The following PPP1R9A variants were observed in gnomAD, a reference collection of about 807,000 sequenced individuals.
The protein encoded by PPP1R9A is protein phosphatase 1 regulatory subunit 9A, also known as neurabin-1.
In PPP1R9A, 59 loss-of-function variants were observed where a neutral mutation model predicts 141.9. The ratio of observed to expected loss-of-function variants is 0.42; its 90% CI spans 0.34 to 0.52. The LOEUF (loss-of-function observed/expected upper bound fraction) is 0.52. PPP1R9A is among the 20% of genes least tolerant of loss of function. The probability of loss-of-function intolerance (pLI) is 0.10; values close to 1 mark genes in which losing one functional copy is unlikely to be tolerated. For synonymous variants in PPP1R9A, 500 were observed against 569.7 expected (o/e 0.88, Z 1.74); for missense variants, 1,444 against 1,611.9 (o/e 0.90, Z 1.78).
At chr7:95,129,116 C>G (rs1319845802) in intron 4 of PPP1R9A, among the ~76,000 whole-genome samples, 1 of 152,094 alleles carries the variant, frequency 6.6e-6, no homozygotes, top group Admixed American at 6.5e-5. Context: ...AGTCCTTTCT[C>G]CATTGCTTAT....
At position 95,203,584 on chromosome 7, in the gene PPP1R9A, C is replaced by T. The variant is rs898192643; in HGVS notation, c.1891-81C>T. The T allele has an allele frequency of 2.1e-5, 21 of 1,022,718 alleles. No homozygotes were observed. In the East Asian group the frequency reaches 5.2e-4, roughly 26 times the overall value. The allele number at this position is 1,022,718 out of a possible 1,614,324, so 63.4% of individuals were successfully genotyped here. ...GTGTATTACAGTAAGCACTGGGACT[C>T]AGTGTTTTTCAATCCTTTATCAGGC... On this transcript the variant is annotated intron_variant, in intron 6 of 19. Transcript: ENST00000433360.
At chr7:94,985,004 A>G (rs1486992470) in intron 2 of PPP1R9A, among the ~76,000 whole-genome samples, 3 of 152,084 alleles carry the variant, frequency 2.0e-5, no homozygotes, top group African/African-American at 7.2e-5. Flanking sequence ...ACTGTTTTAA[A>G]TATGTCCCAG....
chr7:94,982,709 T>G (rs1419017815), intron 2 of PPP1R9A, among the ~76,000 whole-genome samples: 1 of 152,222 alleles, frequency 6.6e-6, no homozygotes, highest in African/African-American at 2.4e-5. Flanking sequence ...GAGTTCTTTG[T>G]AGATTCTGGA....
intron 2 of PPP1R9A, among the ~76,000 whole-genome samples, chr7:94,933,465 C>T (rs1794406401): frequency 6.6e-6 from 1 of 152,104 alleles, no homozygotes; most frequent in South Asian, 2.1e-4. Context: ...CATTCTCCTC[C>T]CTCTCTCAAC....
intron 3 of PPP1R9A, among the ~76,000 whole-genome samples, chr7:95,117,424 A>G (rs1821719134): frequency 6.6e-6 from 1 of 152,172 alleles, no homozygotes; most frequent in Non-Finnish European, 1.5e-5. Context: ...ATTGCCCTTC[A>G]GTCATCATGT....
intron 3 of PPP1R9A, among the ~76,000 whole-genome samples, chr7:95,117,160 T>C (rs973904180): frequency 4.6e-5 from 7 of 152,108 alleles, no homozygotes; most frequent in Non-Finnish European, 1.0e-4. Context: ...GACAATAGTG[T>C]CTTCCATAAT....
At chr7:95,101,106 C>T (rs1237640276) in intron 2 of PPP1R9A, among the ~76,000 whole-genome samples, 2 of 152,038 alleles carry the variant, frequency 1.3e-5, no homozygotes, top group Non-Finnish European at 2.9e-5. Context: ...CCCGCCTCGG[C>T]CTCCCAAAGT....
chr7:95,177,397 C>T (rs532230012), intron 5 of PPP1R9A, among the ~76,000 whole-genome samples: 12 of 152,080 alleles, frequency 7.9e-5, no homozygotes, highest in Middle Eastern at 3.4e-3. Context: ...ATCATGGAAA[C>T]GCATCAAAAC....
intron 2 of PPP1R9A, among the ~76,000 whole-genome samples, chr7:95,069,556 A>G (rs1813470657): frequency 6.6e-6 from 1 of 152,048 alleles, no homozygotes; most frequent in Non-Finnish European, 1.5e-5. Context: ...ATGTATATAC[A>G]TATTAATAAA....
At chr7:94,934,117 C>G (rs1448600388) in intron 2 of PPP1R9A, among the ~76,000 whole-genome samples, 1 of 152,024 alleles carries the variant, frequency 6.6e-6, no homozygotes, top group Admixed American at 6.6e-5. Flanking sequence ...AGTCTTAAAT[C>G]CACAAAATGA....
chr7:94,986,176 A>C (rs748908096), intron 2 of PPP1R9A, among the ~76,000 whole-genome samples: 1 of 152,170 alleles, frequency 6.6e-6, no homozygotes, highest in Non-Finnish European at 1.5e-5. Context: ...CTTTTTAGTT[A>C]AACTTGCATT....
intron 5 of PPP1R9A, among the ~76,000 whole-genome samples, chr7:95,177,147 C>A (rs1833023201): frequency 1.3e-5 from 2 of 152,168 alleles, no homozygotes; most frequent in African/African-American, 4.8e-5. Flanking sequence ...AAGGCAAAAC[C>A]TATCAGATTA....
rs759055387 is a variant in PPP1R9A at position 95,111,231 on chromosome 7, T to C, written c.1396-28T>C. 4 of 1,552,476 alleles carry C rather than the reference T, an allele frequency of 2.6e-6. No individual in the cohort carries two copies. The South Asian group carries it at 4.9e-5, about 19-fold the overall frequency. Reference sequence around the variant, plus strand: ...TGGCAGGTTTTTTTTTTTTTCTGTATTATCATCTTGTTGGCCTCTTACTAC... The same window carrying C: ...TGGCAGGTTTTTTTTTTTTTCTGTACTATCATCTTGTTGGCCTCTTACTAC... On this transcript the variant is annotated intron_variant, in intron 2 of 19. Coordinates refer to ENST00000433360, the MANE Select transcript of PPP1R9A (RefSeq NM_001166160.2).
intron 4 of PPP1R9A, among the ~76,000 whole-genome samples, chr7:95,147,522 C>T (rs1827855031): frequency 6.6e-6 from 1 of 152,118 alleles, no homozygotes; most frequent in Non-Finnish European, 1.5e-5. Context: ...GCTAGAACTT[C>T]CAATACTGTG....
At chr7:94,979,382 T>C (rs1004070315) in intron 2 of PPP1R9A, among the ~76,000 whole-genome samples, 8 of 152,232 alleles carry the variant, frequency 5.3e-5, no homozygotes, top group African/African-American at 9.6e-5. Context: ...TAATCAGTGC[T>C]GTCTCTGTGA....
At chr7:94,996,443 T>C (rs996701822) in intron 2 of PPP1R9A, among the ~76,000 whole-genome samples, 4 of 152,220 alleles carry the variant, frequency 2.6e-5, no homozygotes, top group African/African-American at 9.6e-5. Context: ...TTAGACTTTT[T>C]AAAGAACTCC....
intron 8 of PPP1R9A, among the ~76,000 whole-genome samples, chr7:95,247,260 T>A (rs1332013925): frequency 6.6e-6 from 1 of 152,204 alleles, no homozygotes; most frequent in Non-Finnish European, 1.5e-5. Context: ...GGTAACCTAA[T>A]CTGATGTTAG....
intron 3 of PPP1R9A, among the ~76,000 whole-genome samples, chr7:95,113,210 C>T (rs935377156): frequency 1.3e-5 from 2 of 151,948 alleles, no homozygotes; most frequent in Admixed American, 6.6e-5. Flanking sequence ...TAGAAGATGA[C>T]GTTTGAGAGA....
At chr7:95,183,680 T>C in intron 5 of PPP1R9A, among the ~76,000 whole-genome samples, 1 of 151,462 alleles carries the variant, frequency 6.6e-6, no homozygotes, top group East Asian at 2.0e-4. Flanking sequence ...ATCTCTTGAC[T>C]TCGTGGTCCA....
Sources: allele counts gnomAD v4.1 joint callset (sites outside exome capture counted in the v4.1 genomes callset), GRCh38; gene constraint gnomAD v4.1.1; transcripts MANE v1.5; gene names NCBI Gene and HGNC (gene_info 2026-07-23, HGNC 2026-07-21).